The following RETREG1 variants were observed in gnomAD, a reference collection of about 807,000 sequenced individuals.
RETREG1 encodes the protein reticulophagy regulator 1.
RETREG1 carries 44 observed loss-of-function variants against 54.8 expected under a neutral mutation model. The observed-to-expected ratio is 0.80, with a 90% CI of 0.63 to 1.03. The LOEUF is 1.03. RETREG1 is among the 50% of genes least tolerant of loss of function. The pLI, the probability that RETREG1 is intolerant of heterozygous loss-of-function variation, is 0.00. For synonymous variants in RETREG1, 217 were observed against 238.5 expected, an observed-to-expected ratio of 0.91 and a Z score of 0.83; for missense variants, 554 against 605.1, an observed-to-expected ratio of 0.92 and a Z score of 0.89.
rs1048913744 is a variant in RETREG1, at chr5:16,543,607, C to T, written c.458+22156G>A. 4.7e-5 allele frequency among the ~76,000 whole-genome samples: 7 copies of T among 148,406 alleles called. No individual in the cohort carries two copies. In the East Asian group the frequency reaches 6.1e-4, roughly 13 times the overall value. ...AGGAGAATCACTTGAACCCAGGAGGCGGAGGTTGCAGTGAGCCGAGATCGC... is the reference window on the plus strand; with the variant it reads ...AGGAGAATCACTTGAACCCAGGAGGTGGAGGTTGCAGTGAGCCGAGATCGC... On this transcript the variant is annotated intron_variant, in intron 3 of 8. Coordinates refer to ENST00000306320, the MANE Select transcript of RETREG1 (RefSeq NM_001034850.3).
At chr5:16,587,416 T>C (rs1411215502) in intron 1 of RETREG1, among the ~76,000 whole-genome samples, 1 of 152,224 alleles carries the variant, frequency 6.6e-6, no homozygotes, top group African/African-American at 2.4e-5. Context: ...TTGGGTCTTC[T>C]TGACTCAGAG....
chr5:16,596,894 C>T (rs765451021), intron 1 of RETREG1, among the ~76,000 whole-genome samples: 2 of 152,084 alleles, frequency 1.3e-5, no homozygotes, highest in Admixed American at 6.5e-5. Flanking sequence ...CTTGGAAGTA[C>T]AAAAGGCAAA....
intron 1 of RETREG1, among the ~76,000 whole-genome samples, chr5:16,596,883 C>T (rs1004096376): frequency 5.3e-5 from 8 of 152,108 alleles, no homozygotes; most frequent in Non-Finnish European, 1.2e-4. Context: ...AGATGTTGGG[C>T]CTTGGAAGTA....
intron 3 of RETREG1, among the ~76,000 whole-genome samples, chr5:16,505,119 G>A (rs1739896573): frequency 6.6e-6 from 1 of 152,166 alleles, no homozygotes; most frequent in African/African-American, 2.4e-5. Context: ...GAACACAAAT[G>A]TACGGCAGCC....
At chr5:16,591,157 A>G (rs943766965) in intron 1 of RETREG1, among the ~76,000 whole-genome samples, 1 of 152,224 alleles carries the variant, frequency 6.6e-6, no homozygotes, top group Non-Finnish European at 1.5e-5. Flanking sequence ...AATTCAAGCC[A>G]TAGTTGAGAT....
intron 8 of RETREG1, among the ~76,000 whole-genome samples, chr5:16,476,670 C>T (rs757869005): frequency 1.3e-5 from 2 of 151,938 alleles, no homozygotes; most frequent in African/African-American, 2.4e-5. Context: ...AAACACACTG[C>T]CTGTTCTCAC....
intron 3 of RETREG1, among the ~76,000 whole-genome samples, chr5:16,563,684 G>C (rs1316009102): frequency 6.6e-6 from 1 of 151,994 alleles, no homozygotes; most frequent in Non-Finnish European, 1.5e-5. Context: ...AGGAAGATTT[G>C]GTCTTAGAAG....
chr5:16,523,654 A>C (rs1561103608), intron 3 of RETREG1, among the ~76,000 whole-genome samples: 1 of 152,098 alleles, frequency 6.6e-6, no homozygotes, highest in Non-Finnish European at 1.5e-5. Context: ...CAAGTCACTA[A>C]ATCCAATCCA....
chr5:16,589,467 C>T (rs1315291037), intron 1 of RETREG1, among the ~76,000 whole-genome samples: 3 of 152,148 alleles, frequency 2.0e-5, no homozygotes, highest in Non-Finnish European at 2.9e-5. Context: ...CTCCACCTCC[C>T]GGGTTCAAGT....
chr5:16,493,812 T>C (rs978854683), intron 3 of RETREG1, among the ~76,000 whole-genome samples: 39 of 152,320 alleles, frequency 2.6e-4, no homozygotes, highest in Admixed American at 2.3e-3. Flanking sequence ...TTAGAGATGG[T>C]ACCCACCACA....
intron 4 of RETREG1, among the ~76,000 whole-genome samples, chr5:16,482,738 A>C (rs1387362826): frequency 6.6e-6 from 1 of 152,142 alleles, no homozygotes; most frequent in Non-Finnish European, 1.5e-5. Context: ...GATCAGAATT[A>C]AAGCTGCCTT....
chr5:16,475,125 G>A lies in RETREG1; in HGVS notation c.1110C>T (p.Pro370=), dbSNP rs373322680. Residue 370 remains proline (P), a synonymous_variant, in exon 9 of 9, where the codon CCC becomes CCT. Transcript: ENST00000306320. ...NDEDELSLGL[P]TELKRKKEQL... ...GTTCCTTCTTTCTCTTGAGCTCAGT[G>A]GGCAAACCAAGGCTTAATTCATCTT... 6 of 1,613,896 alleles carry A rather than the reference G, an allele frequency of 3.7e-6. No homozygotes were observed. The African/African-American group carries it at 5.3e-5, about 14-fold the overall frequency.
intron 2 of RETREG1, 74 bp from the exon 3 acceptor site, chr5:16,565,867 T>C: frequency 6.8e-7 from 1 of 1,466,886 alleles, no homozygotes; most frequent in Non-Finnish European, 9.4e-7. Flanking sequence ...AACTCTGAAC[T>C]AGTCCAAGCT....
chr5:16,478,612 C>G (rs935172540), intron 6 of RETREG1, among the ~76,000 whole-genome samples: 1 of 152,018 alleles, frequency 6.6e-6, no homozygotes, highest in African/African-American at 2.4e-5. Flanking sequence ...AGTGTTGAAG[C>G]CTTTTCTTTC....
At chr5:16,570,144 T>A (rs1190687323) in intron 2 of RETREG1, among the ~76,000 whole-genome samples, 1 of 152,194 alleles carries the variant, frequency 6.6e-6, no homozygotes, top group African/African-American at 2.4e-5. Flanking sequence ...ACAAATGCAG[T>A]CTATCATGGG....
chr5:16,571,225 G>C (rs568568252), intron 2 of RETREG1, among the ~76,000 whole-genome samples: 1 of 152,252 alleles, frequency 6.6e-6, no homozygotes, highest in African/African-American at 2.4e-5. Context: ...AGGCAGCTCT[G>C]ATGCACATCA....
At position 16,593,979 on chromosome 5, in the gene RETREG1, C is replaced by T. The variant is rs1742838838; in HGVS notation, c.321-21877G>A. Among the ~76,000 whole-genome samples the T allele has an allele frequency of 1.3e-5, 2 of 152,252 alleles. No homozygotes were observed. Among genetic ancestry groups the T allele is most frequent in the African/African-American group, 4.8e-5 (2 of 41,470 alleles). ...ACAAAAAGCCAAAGATCATCACTGA[C>T]ATTCTGGGGATGGTAGCCCATGATT... On this transcript the variant is annotated intron_variant, in intron 1 of 8. Coordinates refer to ENST00000306320, the MANE Select transcript of RETREG1 (RefSeq NM_001034850.3). The surrounding 1 kb of genome is among the most constrained non-coding windows in gnomAD (Gnocchi z 4.9).
rs1425267707 is a variant in RETREG1, at chr5:16,616,847, T to A, written c.125A>T (p.Glu42Val). 5 of 1,511,472 alleles carry A rather than the reference T, an allele frequency of 3.3e-6. No individual in the cohort carries two copies. The highest frequency in any genetic ancestry group is 4.1e-5 in the Admixed American group (2 of 48,756). 93.6% of individuals were successfully genotyped at this position (1,511,472 alleles called of 1,614,324 possible). The change falls in exon 1 of 9, where the codon GAG becomes GTG. Residue 42 changes from glutamate (E) to valine (V), a missense_variant. Glu to Val is a moderately radical substitution (Grantham distance 121, BLOSUM62 -2). This residue lies in a region of RETREG1 where 175 missense variants were observed against 142.1 expected (regional missense o/e 1.23). Transcript: ENST00000306320. ...ASPAERQQQE[E>V]EAQEAGAAEG... ...CGCCGCCCCAGCTTCCTGCGCTTCC[T>A]CCTCCTGCTGCTGCCGCTCTGCGGG...
chr5:16,613,900 CAAATAA>C (rs1743418282), intron 1 of RETREG1, among the ~76,000 whole-genome samples: 1 of 150,144 alleles, frequency 6.7e-6, no homozygotes, highest in Non-Finnish European at 1.5e-5. Flanking sequence ...CCCAGAGCAA[CAAATAA>C]AAGGGAAAAA....
Sources: gnomAD v4.1 joint callset for allele counts (sites outside exome capture counted in the v4.1 genomes callset) on GRCh38, gnomAD v4.1.1 for gene constraint, gnomAD v4.1.1 regional missense constraint, Gnocchi (gnomAD v3.1) non-coding constraint, MANE v1.5 for transcripts, NCBI Gene and HGNC (gene_info 2026-07-23, HGNC 2026-07-21) for gene names.